The following FILIP1L variants were observed in gnomAD, a reference collection of about 807,000 sequenced individuals.
The protein encoded by FILIP1L is filamin A-interacting protein 1-like.
A neutral mutation model predicts 96.6 loss-of-function variants in FILIP1L; 55 were observed. That is an observed-to-expected ratio of 0.57 (90% CI 0.46 to 0.71). The LOEUF (loss-of-function observed/expected upper bound fraction) is 0.71, where lower values mean the gene tolerates loss of function less well. Among genes scored for constraint, FILIP1L ranks in the 30% least tolerant of loss-of-function variants. FILIP1L has a pLI of 0.00. For synonymous variants in FILIP1L, 467 were observed against 473.9 expected, an observed-to-expected ratio of 0.99 and a Z score of 0.19; for missense variants, 1,304 against 1,321.2, an observed-to-expected ratio of 0.99 and a Z score of 0.20.
chr3:100,057,271 G>A (rs2065480769), intron 1 of FILIP1L, among the ~76,000 whole-genome samples: 1 of 152,156 alleles, frequency 6.6e-6, no homozygotes, highest in African/African-American at 2.4e-5. Context: ...TAATCTTTCT[G>A]CAGGAAACCA....
In FILIP1L at chr3:99,850,430, C is replaced by T. The variant is rs537419810; in HGVS notation, c.1246G>A (p.Glu416Lys). The change falls in exon 5 of 6, where the codon GAG becomes AAG. Residue 416 changes from glutamate to lysine, a missense_variant. Physicochemically the swap from Glu to Lys is moderately conservative, Grantham distance 56 (BLOSUM62 1). Transcript: ENST00000477258. ...ETLQSKDFKL[E>K]VEKLSKRIMA... is the part of the protein sequence containing the mutation. ...ATTCTTTTACTGAGTTTTTCAACCT[C>T]TAGTTTAAAGTCTTTACTCTGTAAC... 4.3e-6 allele frequency: 7 copies of T among 1,614,026 alleles called. No homozygotes were observed. The East Asian group carries it at 1.6e-4, about 36-fold the overall frequency.
rs576596012 is a variant in FILIP1L, at chr3:99,849,203, C to A, written c.2473G>T (p.Gly825Cys). 1.2e-6 allele frequency: 2 copies of A among 1,614,126 alleles called. No individual in the cohort carries two copies. Among genetic ancestry groups the A allele is most frequent in the South Asian group, 2.2e-5 (2 of 91,078 alleles). ...TTCTCACTCTCCTCATATAACTGAC[C>A]ATTGATGACTGCACGTTCCAGAGGA... is the stretch of plus-strand genomic sequence containing the variant. ...LIPLERAVIN[G>C]QLYEESENQD... The change falls in exon 5 of 6, where the codon GGT (glycine) becomes TGT (cysteine). Residue 825 changes from glycine to cysteine, a missense_variant. Coordinates refer to ENST00000477258, the MANE Select transcript of FILIP1L (RefSeq NM_001387850.1).
intron 1 of FILIP1L, among the ~76,000 whole-genome samples, chr3:99,937,870 A>C (rs939358866): frequency 4.6e-5 from 7 of 152,262 alleles, no homozygotes; most frequent in African/African-American, 1.7e-4. Flanking sequence ...TAAGTGCTTC[A>C]GTTCATTTAT....
chr3:99,936,390 T>C (rs1430254886), intron 1 of FILIP1L, among the ~76,000 whole-genome samples: 2 of 135,864 alleles, frequency 1.5e-5, no homozygotes, highest in East Asian at 4.3e-4. Flanking sequence ...TTTTTTTTTT[T>C]TTTGTGACAG....
chr3:100,020,581 A>G (rs115213344), intron 1 of FILIP1L, among the ~76,000 whole-genome samples: 1 of 152,120 alleles, frequency 6.6e-6, no homozygotes, highest in African/African-American at 2.4e-5. Context: ...CTTTTGCCAT[A>G]AGCTAAAAGG....
chr3:99,833,298 GA>G, intron 5 of FILIP1L: 2 of 1,565,014 alleles, frequency 1.3e-6, no homozygotes, highest in Non-Finnish European at 1.8e-6. Context: ...TAAATTTGTG[GA>G]ATATATTAAA....
At chr3:99,930,136 A>G (rs1707430914) in intron 2 of FILIP1L, 107 bp from the exon 3 acceptor site, 1 of 873,682 alleles carries the variant, frequency 1.1e-6, no homozygotes, top group East Asian at 2.6e-5. Flanking sequence ...TCAAATCTAA[A>G]TGAATCATAT....
chr3:100,005,390 A>G (rs749513101), intron 1 of FILIP1L, among the ~76,000 whole-genome samples: 1 of 152,028 alleles, frequency 6.6e-6, no homozygotes, highest in South Asian at 2.1e-4. Context: ...GGGTCCCTCT[A>G]CCCCCACTGT....
chr3:99,952,858 G>A lies in FILIP1L; in HGVS notation c.-10-21828C>T, dbSNP rs149733332. Among the ~76,000 whole-genome samples, 212 of 152,132 alleles carry A rather than the reference G, an allele frequency of 1.4e-3. 1 individual carries two copies. The highest frequency in any genetic ancestry group is 0.014 in the Middle Eastern group (4 of 292). On this transcript the variant is annotated intron_variant, in intron 1 of 5. Coordinates refer to ENST00000477258, the MANE Select transcript of FILIP1L (RefSeq NM_001387850.1). Reference sequence around the variant, plus strand: ...AGGATAATTTCAATCTTTATATGTTGGATTGTTTTTCTGCATAATGAAAAA... The same window carrying A: ...AGGATAATTTCAATCTTTATATGTTAGATTGTTTTTCTGCATAATGAAAAA...
chr3:99,930,523 A>G (rs1245444411), intron 2 of FILIP1L, among the ~76,000 whole-genome samples: 1 of 152,212 alleles, frequency 6.6e-6, no homozygotes, highest in Middle Eastern at 3.2e-3. Flanking sequence ...CCTGAGCAGC[A>G]TGGGCAGAGG....
intron 4 of FILIP1L, among the ~76,000 whole-genome samples, chr3:99,871,471 G>C (rs150650065): frequency 6.6e-6 from 1 of 152,288 alleles, no homozygotes; most frequent in Non-Finnish European, 1.5e-5. Context: ...GGAGTTTATA[G>C]TCCAAGAGAC....
intron 1 of FILIP1L, among the ~76,000 whole-genome samples, chr3:100,073,069 A>C (rs1430446369): frequency 1.3e-5 from 2 of 152,236 alleles, no homozygotes; most frequent in Non-Finnish European, 2.9e-5. Flanking sequence ...GTATGTTCAT[A>C]ATAAAATGGA....
intron 1 of FILIP1L, among the ~76,000 whole-genome samples, chr3:99,951,720 A>G (rs1451341524): frequency 6.6e-6 from 1 of 152,188 alleles, no homozygotes; most frequent in African/African-American, 2.4e-5. Context: ...AATTGACCCA[A>G]TAGGTACCCT....
chr3:100,059,717 G>C (rs1215244661), intron 1 of FILIP1L, among the ~76,000 whole-genome samples: 4 of 152,156 alleles, frequency 2.6e-5, no homozygotes. Flanking sequence ...CACAACTCCA[G>C]CTGACTGGAA....
At chr3:99,890,942 C>T (rs1055989749) in intron 4 of FILIP1L, among the ~76,000 whole-genome samples, 8 of 152,050 alleles carry the variant, frequency 5.3e-5, no homozygotes, top group African/African-American at 1.9e-4. Context: ...AAGGTAGTTT[C>T]CTCTAGAGAG....
chr3:100,014,895 CTT>C (rs1233573719), intron 1 of FILIP1L, among the ~76,000 whole-genome samples: 95 of 25,014 alleles, frequency 3.8e-3, no homozygotes, highest in African/African-American at 0.016. Flanking sequence ...TTCTTTCTTT[CTT>C]TTTTTTTTTT....
chr3:99,914,879 A>G (rs751472267), intron 4 of FILIP1L, among the ~76,000 whole-genome samples: 4 of 152,354 alleles, frequency 2.6e-5, no homozygotes, highest in African/African-American at 7.2e-5. Flanking sequence ...GTATTCATCT[A>G]CTTTCATTGT....
intron 1 of FILIP1L, among the ~76,000 whole-genome samples, chr3:100,071,839 C>T (rs1316700470): frequency 1.3e-5 from 2 of 152,158 alleles, no homozygotes; most frequent in Non-Finnish European, 2.9e-5. Flanking sequence ...ACTTATTGGG[C>T]ACCCAACTTC....
At chr3:100,008,492 C>T (rs548755149) in intron 1 of FILIP1L, among the ~76,000 whole-genome samples, 7 of 152,104 alleles carry the variant, frequency 4.6e-5, no homozygotes, top group African/African-American at 1.7e-4. Context: ...TCCAGGACTT[C>T]TAGAGATTAG....
Sources: gnomAD v4.1 joint callset for allele counts (sites outside exome capture counted in the v4.1 genomes callset) on GRCh38, gnomAD v4.1.1 for gene constraint, MANE v1.5 for transcripts, NCBI Gene and HGNC (gene_info 2026-07-23, HGNC 2026-07-21) for gene names.